Variants in PRKCA observed in about 807,000 individuals in gnomAD.
PRKCA encodes protein kinase C alpha, also known as protein kinase C alpha type.
A neutral mutation model predicts 87.0 loss-of-function variants in PRKCA; 27 were observed. The observed-to-expected ratio is 0.31, with a 90% CI of 0.23 to 0.43. PRKCA has a LOEUF of 0.43. Ranked by LOEUF, PRKCA falls within the 20% of genes least tolerant of loss-of-function variation. The pLI is 1.00. For missense variants in PRKCA, 518 were observed against 852.3 expected (o/e 0.61, Z 4.88); for synonymous variants, 329 against 311.1 (o/e 1.06, Z -0.61).
intron 2 of PRKCA, among the ~76,000 whole-genome samples, chr17:66,337,657 A>G (rs1352324029): frequency 1.3e-5 from 2 of 152,104 alleles, no homozygotes; most frequent in Non-Finnish European, 2.9e-5. Flanking sequence ...AAATTCTGGG[A>G]TTACAGGCAT....
intron 2 of PRKCA, among the ~76,000 whole-genome samples, chr17:66,478,044 G>A (rs1263684695): frequency 4.6e-5 from 7 of 152,190 alleles, no homozygotes; most frequent in African/African-American, 9.7e-5. Flanking sequence ...GCGCCCAGGA[G>A]ACAGGTCTGT....
intron 2 of PRKCA, among the ~76,000 whole-genome samples, chr17:66,349,371 G>A (rs116060493): frequency 3.3e-5 from 5 of 151,970 alleles, no homozygotes; most frequent in Admixed American, 1.3e-4. Context: ...GCTACCCCCC[G>A]CATTTGGCAA....
chr17:66,664,626 T>C (rs12450502), intron 5 of PRKCA, among the ~76,000 whole-genome samples: 7,694 of 119,994 alleles, frequency 0.064, 276 homozygotes, highest in Admixed American at 0.093. Flanking sequence ...CTTGTTTCTT[T>C]GGGGTTTTTG....
chr17:66,448,642 A>G (rs577232056), intron 2 of PRKCA, among the ~76,000 whole-genome samples: 1 of 152,316 alleles, frequency 6.6e-6, no homozygotes, highest in African/African-American at 2.4e-5. Flanking sequence ...TTATAAGGAA[A>G]GTCTCTCCTT....
intron 3 of PRKCA, among the ~76,000 whole-genome samples, chr17:66,590,320 A>T (rs1025552669): frequency 6.6e-6 from 1 of 152,174 alleles, no homozygotes; most frequent in Non-Finnish European, 1.5e-5. Context: ...CCCTTGCTGT[A>T]TCTGAGGTGA....
intron 2 of PRKCA, among the ~76,000 whole-genome samples, chr17:66,482,168 A>G (rs1915816666): frequency 6.6e-6 from 1 of 152,076 alleles, no homozygotes; most frequent in African/African-American, 2.4e-5. Flanking sequence ...TGAAATTGCA[A>G]AGACTAGAAG....
At position 66,710,368 on chromosome 17, in the gene PRKCA, TTGTGTGTAGCACTTCC is replaced by T. The variant is rs374751472; in HGVS notation, c.918+21330_918+21345del. Reference sequence around the variant, plus strand: ...CAATCTCGTTTTCTCACACCACTAATTGTGTGTAGCACTTCCTGTGTGTAACATTTCTCCTACTAAC... The same window carrying T: ...CAATCTCGTTTTCTCACACCACTAATTGTGTGTAACATTTCTCCTACTAAC... On this transcript the variant is annotated intron_variant, in intron 8 of 16. Coordinates refer to ENST00000413366, the MANE Select transcript of PRKCA (RefSeq NM_002737.3). Among the ~76,000 whole-genome samples the T allele has an allele frequency of 2.3e-3, 347 of 152,264 alleles. 1 individual carries two copies. Among genetic ancestry groups the T allele is most frequent in the African/African-American group, 7.8e-3 (326 of 41,550 alleles).
intron 8 of PRKCA, among the ~76,000 whole-genome samples, chr17:66,726,009 G>T (rs970263942): frequency 6.6e-6 from 1 of 152,038 alleles, no homozygotes; most frequent in Admixed American, 6.5e-5. Flanking sequence ...CTGGAGCTCG[G>T]TCTTCTTGTG....
chr17:66,725,420 C>T (rs1973721093), intron 8 of PRKCA, among the ~76,000 whole-genome samples: 1 of 152,086 alleles, frequency 6.6e-6, no homozygotes, highest in African/African-American at 2.4e-5. Flanking sequence ...ATGCATGTGC[C>T]TGATATAGTG....
chr17:66,761,383 A>G (rs1170426539), intron 13 of PRKCA, among the ~76,000 whole-genome samples: 2 of 148,804 alleles, frequency 1.3e-5, no homozygotes, highest in South Asian at 2.1e-4. Flanking sequence ...AAAAAAAAAG[A>G]TACATAGTTT....
chr17:66,505,919 C>G (rs1344488465), intron 3 of PRKCA, among the ~76,000 whole-genome samples: 1 of 152,108 alleles, frequency 6.6e-6, no homozygotes, highest in African/African-American at 2.4e-5. Context: ...GACTTGAACT[C>G]CTGGACATAA....
chr17:66,393,011 A>G (rs1436224565), intron 2 of PRKCA, among the ~76,000 whole-genome samples: 1 of 152,170 alleles, frequency 6.6e-6, no homozygotes, highest in African/African-American at 2.4e-5. Flanking sequence ...TTTGTTGGCT[A>G]AATAGAGGGG....
At chr17:66,473,584 G>A (rs181636703) in intron 2 of PRKCA, among the ~76,000 whole-genome samples, 10 of 152,156 alleles carry the variant, frequency 6.6e-5, no homozygotes, top group Admixed American at 3.3e-4. Flanking sequence ...TGATAACTGC[G>A]GCACCATCCA....
intron 3 of PRKCA, among the ~76,000 whole-genome samples, chr17:66,580,527 G>A (rs779825801): frequency 1.9e-4 from 29 of 152,194 alleles, no homozygotes; most frequent in Non-Finnish European, 3.8e-4. Context: ...CGCCTCCAGG[G>A]TTCCACGCAT....
chr17:66,319,992 A>G (rs1905556655), intron 2 of PRKCA, among the ~76,000 whole-genome samples: 1 of 152,022 alleles, frequency 6.6e-6, no homozygotes, highest in Non-Finnish European at 1.5e-5. Context: ...GATCTGCCAC[A>G]CTTCAGCCTC....
At chr17:66,688,171 T>C (rs1398325544) in intron 6 of PRKCA, 131 bp from the exon 7 acceptor site, 3 of 1,135,320 alleles carry the variant, frequency 2.6e-6, no homozygotes, top group Non-Finnish European at 3.7e-6. Context: ...GCATAAGGGG[T>C]TGGTATTTTA....
intron 14 of PRKCA, among the ~76,000 whole-genome samples, chr17:66,781,868 G>GAGAGATATATAT (rs1491546533): frequency 8.0e-4 from 79 of 99,326 alleles, no homozygotes; most frequent in African/African-American, 2.9e-3. Flanking sequence ...GAGAGAGAGA[G>GAGAGATATATAT]ATATATATAT....
intron 8 of PRKCA, among the ~76,000 whole-genome samples, chr17:66,695,238 C>T (rs554894773): frequency 6.6e-6 from 1 of 152,178 alleles, no homozygotes; most frequent in Non-Finnish European, 1.5e-5. Flanking sequence ...GCAAATAACC[C>T]CAGCCATGGA....
chr17:66,396,295 T>C (rs1910660052), intron 2 of PRKCA, among the ~76,000 whole-genome samples: 1 of 152,148 alleles, frequency 6.6e-6, no homozygotes, highest in Non-Finnish European at 1.5e-5. Context: ...TGTGTGAAAA[T>C]TAGACTTGTG....
Sources: gnomAD v4.1 joint callset for allele counts (sites outside exome capture counted in the v4.1 genomes callset) on GRCh38, gnomAD v4.1.1 for gene constraint, MANE v1.5 for transcripts, NCBI Gene and HGNC (gene_info 2026-07-23, HGNC 2026-07-21) for gene names.